Variants in CATSPERE observed in about 807,000 individuals in gnomAD.
CATSPERE encodes the protein catsper channel auxiliary subunit epsilon, also known as cation channel sperm-associated auxiliary subunit epsilon.
In CATSPERE, 93 loss-of-function variants were observed where a neutral mutation model predicts 114.1. That is an observed-to-expected ratio of 0.81 (90% CI 0.69 to 0.97). The LOEUF is 0.97. Ranked by LOEUF, CATSPERE falls within the 50% of genes least tolerant of loss-of-function variation. The probability of loss-of-function intolerance (pLI) is 0.00; values close to 1 mark genes in which losing one functional copy is unlikely to be tolerated. For missense variants in CATSPERE, 1,058 were observed against 1,131.6 expected, an observed-to-expected ratio of 0.93 and a Z score of 0.93; for synonymous variants, 341 against 384.1, an observed-to-expected ratio of 0.89 and a Z score of 1.31.
intron 20 of CATSPERE, among the ~76,000 whole-genome samples, chr1:244,630,757 G>C (rs1673833276): frequency 6.6e-6 from 1 of 152,042 alleles, no homozygotes; most frequent in African/African-American, 2.4e-5. Context: ...GTATCTTATG[G>C]GTCCTATCTC....
In CATSPERE at chr1:244,477,764, T is replaced by G. The variant is rs915187487; in HGVS notation, c.189-142T>G. ...CAAGACAAAATCAGGTCGAATATAGTATAGAAGTAAAATATTGCAAATATT... is the reference window on the plus strand; with the variant it reads ...CAAGACAAAATCAGGTCGAATATAGGATAGAAGTAAAATATTGCAAATATT... On this transcript the variant is annotated intron_variant, in intron 3 of 21. Coordinates refer to ENST00000366534, the MANE Select transcript of CATSPERE (RefSeq NM_001130957.2). The G allele has an allele frequency of 1.1e-4, 100 of 922,564 alleles. 1 individual carries two copies. Among genetic ancestry groups the G allele is most frequent in the Non-Finnish European group, 1.2e-4 (70 of 598,612 alleles). 57.1% of individuals were successfully genotyped at this position (922,564 alleles called of 1,614,324 possible). A position where few individuals can be genotyped will look rare whatever the true frequency, so the allele number is the denominator to read the frequency against.
chr1:244,549,117 C>T (rs1660205642), intron 8 of CATSPERE, among the ~76,000 whole-genome samples: 1 of 152,124 alleles, frequency 6.6e-6, no homozygotes, highest in East Asian at 1.9e-4. Flanking sequence ...CAGGAGATCC[C>T]TTATGCATCT....
At chr1:244,554,077 G>A (rs1178064368) in intron 9 of CATSPERE, among the ~76,000 whole-genome samples, 2 of 152,124 alleles carry the variant, frequency 1.3e-5, no homozygotes, top group Admixed American at 1.3e-4. Flanking sequence ...ATCCATTGAT[G>A]TACACTTATG....
intron 10 of CATSPERE, 94 bp from the exon 11 acceptor site, chr1:244,572,236 T>C: frequency 1.5e-6 from 1 of 676,384 alleles, no homozygotes; most frequent in Non-Finnish European, 2.5e-6. Flanking sequence ...ACTCGGTCAT[T>C]ATCAAAGAAA....
intron 9 of CATSPERE, among the ~76,000 whole-genome samples, chr1:244,557,578 T>TATATATAA: frequency 9.6e-6 from 1 of 104,384 alleles, no homozygotes; most frequent in Non-Finnish European, 2.0e-5. Flanking sequence ...TATATATATA[T>TATATATAA]ATATAAAATC....
Position 244,596,178 on chromosome 1 carries a change from G to A in CATSPERE, c.2303+2600G>A, listed in dbSNP as rs772331329. 7.9e-5 allele frequency among the ~76,000 whole-genome samples: 12 copies of A among 152,250 alleles called. No homozygotes were observed. In the South Asian group the frequency reaches 1.0e-3, roughly 13 times the overall value. On this transcript the variant is annotated intron_variant, in intron 17 of 21. Transcript: ENST00000366534. ...TACATTTGCATAAGACATTCCCACC[G>A]GCACCATGACAGTACAAATGCCATG...
At chr1:244,469,332 A>G (rs1465706090) in intron 2 of CATSPERE, among the ~76,000 whole-genome samples, 1 of 152,220 alleles carries the variant, frequency 6.6e-6, no homozygotes, top group Non-Finnish European at 1.5e-5. Context: ...AGTACATATA[A>G]GGAGATTAAG....
chr1:244,561,003 G>T lies in CATSPERE; in HGVS notation c.1365G>T (p.Leu455=). 1.2e-6 allele frequency: 2 copies of T among 1,613,784 alleles called. No individual in the cohort carries two copies. Among genetic ancestry groups the T allele is most frequent in the South Asian group, 1.1e-5 (1 of 91,076 alleles). The change falls in exon 10 of 22, where the codon CTG becomes CTT. Residue 455 remains leucine (L), a synonymous_variant. Transcript: ENST00000366534. ...VTMPHFTFSA[L]PGLLLWNKHS... Reference sequence around the variant, plus strand: ...TGCCACATTTTACATTTTCAGCACTGCCAGGATTACTGCTATGGAACAAGC... The same window carrying T: ...TGCCACATTTTACATTTTCAGCACTTCCAGGATTACTGCTATGGAACAAGC...
chr1:244,566,516 G>C (rs1277563929), intron 10 of CATSPERE, among the ~76,000 whole-genome samples: 1 of 151,832 alleles, frequency 6.6e-6, no homozygotes, highest in African/African-American at 2.4e-5. Context: ...TCCTTTATTG[G>C]GTGCATGTAT....
chr1:244,454,045 C>A (rs1443201176), upstream of CATSPERE, among the ~76,000 whole-genome samples: 1 of 152,174 alleles, frequency 6.6e-6, no homozygotes, highest in East Asian at 1.9e-4. Flanking sequence ...ATTGGGAACG[C>A]CTTCTGTCCT....
At chr1:244,578,306 C>T (rs1665598907) in intron 11 of CATSPERE, among the ~76,000 whole-genome samples, 1 of 152,134 alleles carries the variant, frequency 6.6e-6, no homozygotes, top group Admixed American at 6.5e-5. Flanking sequence ...GTGTGCACCA[C>T]CACGCCCAGC....
At chr1:244,600,371 A>G (rs72759420) in intron 17 of CATSPERE, among the ~76,000 whole-genome samples, 162 of 144,994 alleles carry the variant, frequency 1.1e-3, no homozygotes, top group African/African-American at 2.6e-3. Context: ...AAAAAAAAAA[A>G]AGAGAGAGAG....
intron 20 of CATSPERE, 87 bp from the exon 21 acceptor site, chr1:244,635,402 G>A (rs1216144289): frequency 4.3e-6 from 4 of 937,374 alleles, no homozygotes; most frequent in Admixed American, 3.9e-5. Context: ...ATTATATATG[G>A]TTTGATTGTT....
Position 244,575,380 on chromosome 1 carries a change from C to T in CATSPERE, c.1950+2608C>T, listed in dbSNP as rs1665088087. 6.6e-6 allele frequency among the ~76,000 whole-genome samples: 1 copy of T among 152,216 alleles called. No homozygotes were observed. Among genetic ancestry groups the T allele is most frequent in the Non-Finnish European group, 1.5e-5 (1 of 68,036 alleles). On this transcript the variant is annotated intron_variant, in intron 11 of 21. Coordinates refer to ENST00000366534, the MANE Select transcript of CATSPERE (RefSeq NM_001130957.2). This position sits in a 1 kb window ranked among gnomAD's most constrained non-coding sequence, Gnocchi z 4.5. ...AGCCAGGCTAGGGAGAGGGACCTAC[C>T]TCTTGGCTGCCGGGCTGCGCGGCAT...
intron 1 of CATSPERE, among the ~76,000 whole-genome samples, chr1:244,463,063 C>A (rs371235583): frequency 6.6e-6 from 1 of 151,804 alleles, no homozygotes. Context: ...AATGTACACA[C>A]CAGATTTCAA....
intron 17 of CATSPERE, among the ~76,000 whole-genome samples, chr1:244,598,857 A>G (rs1364118246): frequency 6.6e-6 from 1 of 151,952 alleles, no homozygotes; most frequent in Non-Finnish European, 1.5e-5. Flanking sequence ...ATCCAGTCAC[A>G]TGGGCCAGGA....
chr1:244,570,883 A>G (rs1664335276), intron 10 of CATSPERE, among the ~76,000 whole-genome samples: 1 of 152,182 alleles, frequency 6.6e-6, no homozygotes, highest in Non-Finnish European at 1.5e-5. Context: ...AAAGATGTGG[A>G]GGTAGGAAAG....
At chr1:244,514,855 G>A (rs1676364214) in intron 7 of CATSPERE, among the ~76,000 whole-genome samples, 1 of 149,408 alleles carries the variant, frequency 6.7e-6, no homozygotes, top group African/African-American at 2.5e-5. Flanking sequence ...AAAAAAGAGT[G>A]CCTGGAAAAA....
At chr1:244,474,669 T>A (rs1669001189) in intron 2 of CATSPERE, among the ~76,000 whole-genome samples, 1 of 151,900 alleles carries the variant, frequency 6.6e-6, no homozygotes, top group African/African-American at 2.4e-5. Flanking sequence ...TCTGTGCCTA[T>A]CTTTCATATT....
Sources: gnomAD v4.1 joint callset for allele counts (sites outside exome capture counted in the v4.1 genomes callset) on GRCh38, gnomAD v4.1.1 for gene constraint, Gnocchi (gnomAD v3.1) non-coding constraint, MANE v1.5 for transcripts, NCBI Gene and HGNC (gene_info 2026-07-23, HGNC 2026-07-21) for gene names.